LAMA5: variants seen among roughly 807,000 people sequenced by gnomAD.
LAMA5 encodes laminin subunit alpha-5.
In LAMA5, 260 loss-of-function variants were observed where a neutral mutation model predicts 433.4. The observed-to-expected ratio is 0.60, with a 90% confidence interval of 0.54 to 0.66. The LOEUF is 0.66. Ranked by LOEUF, LAMA5 falls within the 30% of genes least tolerant of loss-of-function variation. The pLI, the probability that LAMA5 is intolerant of heterozygous loss-of-function variation, is 0.00. For missense variants in LAMA5, 5,378 were observed against 5,258.5 expected (o/e 1.02, Z -0.70); for synonymous variants, 2,620 against 2,226.6 (o/e 1.18, Z -4.97).
At chr20:62,309,929 C>T (rs1986025774) in intron 78 of LAMA5, 59 bp downstream of exon 78, 2 of 1,605,484 alleles carry the variant, frequency 1.2e-6, no homozygotes, top group African/African-American at 1.3e-5. Context: ...TCCCGCCTGG[C>T]TCCCGCTCTG....
chr20:62,321,003 G>A lies in LAMA5; in HGVS notation c.6497-113C>T, dbSNP rs1371648176. The A allele has an allele frequency of 6.0e-6, 7 of 1,174,572 alleles. No individual in the cohort carries two copies. The Admixed American group carries it at 7.6e-5, about 13-fold the overall frequency. The allele number at this position is 1,174,572 out of a possible 1,614,324, so 72.8% of individuals were successfully genotyped here. ...GGAGGGCTCAGCCAGAGGTCATGAG[G>A]TCAGCTTAGGGACACAGGACCTGTG... On this transcript the variant is annotated intron_variant, in intron 48 of 79. Coordinates refer to ENST00000252999, the MANE Select transcript of LAMA5 (RefSeq NM_005560.6).
intron 36 of LAMA5, 52 bp downstream of exon 36, chr20:62,327,814 C>G: frequency 6.3e-7 from 1 of 1,578,080 alleles, no homozygotes; most frequent in African/African-American, 1.3e-5. Context: ...AGGACACTTT[C>G]AGCTGATGAG....
rs377693881 is a variant in LAMA5, at chr20:62,312,900, C to T, written c.9066G>A (p.Ser3022=). 32 of 1,586,066 alleles carry T rather than the reference C, an allele frequency of 2.0e-5. No individual in the cohort carries two copies. The African/African-American group carries it at 2.3e-4, about 11-fold the overall frequency. Reference sequence around the variant, plus strand: ...ACCCTGGCCCTACCGCCTTGCTGGCCGAGGTCAGGGGCGGTGGGGGCTGCA... The same window carrying T: ...ACCCTGGCCCTACCGCCTTGCTGGCTGAGGTCAGGGGCGGTGGGGGCTGCA... ...VPLQPPPPLT[S]ASKAIQVFLL... Residue 3022 remains serine (S), a synonymous_variant, in exon 66 of 80, where the codon TCG becomes TCA. Transcript: ENST00000252999.
Position 62,314,573 on chromosome 20 carries a change from C to T in LAMA5, c.8349G>A (p.Met2783Ile), listed in dbSNP as rs1241780245. The T allele has an allele frequency of 6.2e-7, 1 of 1,610,260 alleles. No homozygotes were observed. The highest frequency in any genetic ancestry group is 1.1e-5 in the South Asian group (1 of 90,880). ...PGQGTEDRFV[M>I]YMGSRQATGD... ...CTGGTACCTGGCGGCTGCCCATGTA[C>T]ATCACAAAGCGATCCTCGGTACCCT... The change falls in exon 61 of 80, where the codon ATG (methionine) becomes ATA (isoleucine). Residue 2783 changes from methionine to isoleucine, a missense_variant. Met to Ile is a conservative substitution (Grantham distance 10). Transcript: ENST00000252999.
At chr20:62,347,148 C>T in intron 6 of LAMA5, 120 bp from the exon 7 acceptor site, 1 of 695,836 alleles carries the variant, frequency 1.4e-6, no homozygotes, top group Non-Finnish European at 2.5e-6. Flanking sequence ...ATGGACACGG[C>T]CCCCCGCTGC....
Position 62,323,511 on chromosome 20 carries a change from G to A in LAMA5, c.6009C>T (p.Cys2003=), listed in dbSNP as rs764551867. Residue 2003 remains cysteine (C), a synonymous_variant, in exon 45 of 80, where the codon TGC becomes TGT. Coordinates refer to ENST00000252999, the MANE Select transcript of LAMA5 (RefSeq NM_005560.6). ...CGTAGAAGCCGGGGGCACAGATCTC[G>A]CAGCGGGGCCCAGTGGTGTGGCGCA... is the stretch of plus-strand genomic sequence containing the variant. ...GCLRHTTGPR[C]EICAPGFYGN... The A allele has an allele frequency of 1.8e-5, 28 of 1,565,058 alleles. No individual in the cohort carries two copies. The highest frequency in any genetic ancestry group is 1.7e-4 in the Middle Eastern group (1 of 5,924).
intron 11 of LAMA5, among the ~76,000 whole-genome samples, chr20:62,344,369 A>G (rs1384475203): frequency 6.6e-6 from 1 of 152,084 alleles, no homozygotes; most frequent in Non-Finnish European, 1.5e-5. Context: ...TCAAGCCAAG[A>G]GTGATAGACT....
chr20:62,353,317 C>T, intron 2 of LAMA5, 66 bp from the exon 3 acceptor site: 1 of 1,173,046 alleles, frequency 8.5e-7, no homozygotes, highest in Non-Finnish European at 1.2e-6. Flanking sequence ...AGGGGCCTGG[C>T]TCATTTTCTG....
Position 62,333,084 on chromosome 20 carries a change from A to G in LAMA5, c.3282+6T>C. On this transcript the variant is annotated splice_donor_region_variant and intron_variant, in intron 26 of 79. Transcript: ENST00000252999. The stretch of plus-strand genomic sequence containing the variant: ...CCATTGCTCCGTGGGGTCCCAGGAC[A>G]CGCACATCACTGCCCGTGCAGGTGA... 6.7e-7 allele frequency: 1 copy of G among 1,495,996 alleles called. No homozygotes were observed. The highest frequency in any genetic ancestry group is 8.9e-7 in the Non-Finnish European group (1 of 1,125,286). 92.7% of individuals were successfully genotyped at this position (1,495,996 alleles called of 1,614,324 possible). A position where few individuals can be genotyped will look rare whatever the true frequency, so the allele number is the denominator to read the frequency against.
intron 38 of LAMA5, 76 bp downstream of exon 38, chr20:62,327,157 C>G: frequency 1.5e-6 from 2 of 1,376,218 alleles, no homozygotes; most frequent in Non-Finnish European, 1.9e-6. Flanking sequence ...GGACAGACCC[C>G]GCTCCTGGCT....
chr20:62,330,776 A>T lies in LAMA5; in HGVS notation c.3819T>A (p.Pro1273=). 1.9e-6 allele frequency: 3 copies of T among 1,563,904 alleles called. No homozygotes were observed. The highest frequency in any genetic ancestry group is 4.8e-5 in the East Asian group (2 of 41,966). Residue 1273 remains proline, a synonymous_variant, in exon 30 of 80, where the codon CCT becomes CCA. Coordinates refer to ENST00000252999, the MANE Select transcript of LAMA5 (RefSeq NM_005560.6). The part of the protein sequence containing the change: ...PRPRPPTAVD[P]DAEPTLLREP... ...CACGCAGCAGGGTGGGCTCTGCATCAGGGTCCACAGCGGTGGGGGGCCGAG... is the reference window on the plus strand; with the variant it reads ...CACGCAGCAGGGTGGGCTCTGCATCTGGGTCCACAGCGGTGGGGGGCCGAG...
intron 45 of LAMA5, 66 bp downstream of exon 45, chr20:62,323,390 C>T (rs1379803255): frequency 9.9e-6 from 13 of 1,316,090 alleles, no homozygotes; most frequent in Non-Finnish European, 1.2e-5. Context: ...CGGGGTACGC[C>T]CAGCAGGCCT....
Position 62,316,002 on chromosome 20 carries a change from C to A in LAMA5, c.7813G>T (p.Asp2605Tyr). Residue 2605 changes from aspartate (D) to tyrosine (Y), a missense_variant, in exon 58 of 80, where the codon GAC becomes TAC. Asp to Tyr is a radical substitution (Grantham distance 160, BLOSUM62 -3). Coordinates refer to ENST00000252999, the MANE Select transcript of LAMA5 (RefSeq NM_005560.6). ...TQLRDVRAKK[D>Y]QLEAHIQAAQ... ...GCCTGGATGTGCGCCTCCAGCTGGT[C>A]CTTCTTGGCCCGGACATCTCGGAGC... The A allele has an allele frequency of 1.2e-6, 2 of 1,609,684 alleles. No individual in the cohort carries two copies. The highest frequency in any genetic ancestry group is 2.2e-5 in the South Asian group (2 of 90,596).
chr20:62,352,216 T>C (rs565522754), intron 4 of LAMA5, 26 bp downstream of exon 4: 1 of 1,568,130 alleles, frequency 6.4e-7, no homozygotes, highest in Non-Finnish European at 8.7e-7. Context: ...CCAGCCCCCG[T>C]ACCGCCCTGC....
At position 62,327,529 on chromosome 20, in the gene LAMA5, C is replaced by A. The variant is rs1979516499; in HGVS notation, c.4938G>T (p.Glu1646Asp). 2 of 1,612,944 alleles carry A rather than the reference C, an allele frequency of 1.2e-6. No individual in the cohort carries two copies. The highest frequency in any genetic ancestry group is 1.7e-6 in the Non-Finnish European group (2 of 1,180,004). Residue 1646 changes from glutamate (E) to aspartate (D), a missense_variant and splice_region_variant, in exon 37 of 80, where the codon GAG becomes GAT. Coordinates refer to ENST00000252999, the MANE Select transcript of LAMA5 (RefSeq NM_005560.6). Reference sequence around the variant, plus strand: ...AATGCCCTCAGTCCTGCAGGCGCACCTCCTGGCGGGTGTAGGACGAGCTCC... The same window carrying A: ...AATGCCCTCAGTCCTGCAGGCGCACATCCTGGCGGGTGTAGGACGAGCTCC... ...RCRSSSYTRQ[E>D]FVDMEGWVLL...
chr20:62,327,135 C>A, intron 38 of LAMA5, 98 bp downstream of exon 38: 1 of 1,255,792 alleles, frequency 8.0e-7, no homozygotes, highest in South Asian at 1.5e-5. Flanking sequence ...CCCCATGGAG[C>A]TCCCCCTCCC....
At position 62,317,059 on chromosome 20, in the gene LAMA5, C is replaced by T. The variant is rs374208698; in HGVS notation, c.7512-36G>A. On this transcript the variant is annotated intron_variant, in intron 55 of 79. Coordinates refer to ENST00000252999, the MANE Select transcript of LAMA5 (RefSeq NM_005560.6). ...AGGGAGGGTCGAAGGAGTGGGTAAG[C>T]GCAGACGCCCTCGGCCTGGCTCTCC... The T allele has an allele frequency of 3.4e-5, 51 of 1,504,416 alleles. No homozygotes were observed. In the African/African-American group the frequency reaches 5.7e-4, roughly 17 times the overall value. 93.2% of individuals were successfully genotyped at this position (1,504,416 alleles called of 1,614,324 possible).
chr20:62,334,714 C>T, intron 20 of LAMA5, 93 bp from the exon 21 acceptor site: 1 of 1,012,734 alleles, frequency 9.9e-7, no homozygotes, highest in Non-Finnish European at 1.4e-6. Flanking sequence ...GCCTGGGGCT[C>T]TCTGGATGAT....
Position 62,338,348 on chromosome 20 carries a change from C to T in LAMA5, c.1640G>A (p.Gly547Glu), listed in dbSNP as rs1982036136. 1.2e-6 allele frequency: 2 copies of T among 1,609,008 alleles called. No homozygotes were observed. The highest frequency in any genetic ancestry group is 1.7e-6 in the Non-Finnish European group (2 of 1,177,910). ...GCQPCQCSSP[G>E]VADDRCDPDT... Reference sequence around the variant, plus strand: ...AGGGTCACAGCGGTCATCGGCCACTCCAGGGCTGGAACACTGGCAGGCTGC... The same window carrying T: ...AGGGTCACAGCGGTCATCGGCCACTTCAGGGCTGGAACACTGGCAGGCTGC... The change falls in exon 13 of 80, where the codon GGA becomes GAA. Residue 547 changes from glycine (G) to glutamate (E), a missense_variant. Gly to Glu is a moderately conservative substitution (Grantham distance 98, BLOSUM62 -2). Coordinates refer to ENST00000252999, the MANE Select transcript of LAMA5 (RefSeq NM_005560.6).
Sources: allele counts gnomAD v4.1 joint callset (sites outside exome capture counted in the v4.1 genomes callset), GRCh38; gene constraint gnomAD v4.1.1; transcripts MANE v1.5; gene names NCBI Gene and HGNC (gene_info 2026-07-23, HGNC 2026-07-21).